The following COCH variants were observed in gnomAD, a reference collection of about 807,000 sequenced individuals.
COCH encodes coagulation factor C homolog, cochlin (Limulus polyphemus).
In COCH, 40 loss-of-function variants were observed where a neutral mutation model predicts 54.8. That is an observed-to-expected ratio of 0.73 (90% CI 0.57 to 0.95). The LOEUF (loss-of-function observed/expected upper bound fraction) is 0.95. Among genes scored for constraint, COCH ranks in the 40% least tolerant of loss-of-function variants. The pLI is 0.00. For missense variants in COCH, 605 were observed against 675.0 expected (o/e 0.90, Z 1.15); for synonymous variants, 256 against 237.9 (o/e 1.08, Z -0.70).
At chr14:30,878,138 G>A (rs1895436015) in intron 4 of COCH, among the ~76,000 whole-genome samples, 1 of 152,194 alleles carries the variant, frequency 6.6e-6, no homozygotes, top group African/African-American at 2.4e-5. Flanking sequence ...TTGTTAGCAA[G>A]TGCCATGCTA....
At position 30,887,121 on chromosome 14, in the gene COCH, C is replaced by T. The variant is rs144548864; in HGVS notation, c.1477+809C>T. 7.9e-5 allele frequency among the ~76,000 whole-genome samples: 12 copies of T among 152,274 alleles called. 1 individual carries two copies. Among genetic ancestry groups the T allele is most frequent in the African/African-American group, 2.6e-4 (11 of 41,562 alleles). On this transcript the variant is annotated intron_variant, in intron 11 of 11. Transcript: ENST00000396618. The stretch of plus-strand genomic sequence containing the variant: ...CCATCAAAATTTCCTTGGCCAGGTG[C>T]AGTGGCTCACATCTGTAATTCAGCA...
chr14:30,894,906 TTTA>T, downstream of COCH: 1 of 1,081,478 alleles, frequency 9.2e-7, no homozygotes, highest in Non-Finnish European at 1.2e-6. Flanking sequence ...TTTTTTTTTT[TTTA>T]AAGCAAAATA....
chr14:30,885,911 G>C lies in COCH; in HGVS notation c.1076G>C (p.Ser359Thr). The change falls in exon 11 of 12, where the codon AGC becomes ACC. Residue 359 changes from serine to threonine, a missense_variant. Physicochemically the swap from Ser to Thr is moderately conservative, Grantham distance 58. Transcript: ENST00000396618. Reference protein sequence around the residue: ...KLCTHEQMMCSKTCYNSVNIA... With the variant: ...KLCTHEQMMCTKTCYNSVNIA... Reference sequence around the variant, plus strand: ...TGCACTCATGAACAAATGATGTGCAGCAAGACCTGTTATAACTCAGTGAAC... The same window carrying C: ...TGCACTCATGAACAAATGATGTGCACCAAGACCTGTTATAACTCAGTGAAC... The C allele has an allele frequency of 6.2e-7, 1 of 1,614,196 alleles. No individual in the cohort carries two copies. Among genetic ancestry groups the C allele is most frequent in the Non-Finnish European group, 8.5e-7 (1 of 1,180,026 alleles).
chr14:30,879,590 A>G, intron 6 of COCH, 105 bp downstream of exon 6: 1 of 1,130,514 alleles, frequency 8.8e-7, no homozygotes, highest in Non-Finnish European at 1.3e-6. Flanking sequence ...TTGATATTAA[A>G]GAGAAACAAA....
At chr14:30,886,893 T>C (rs530003180) in intron 11 of COCH, among the ~76,000 whole-genome samples, 1 of 152,056 alleles carries the variant, frequency 6.6e-6, no homozygotes. Flanking sequence ...AATTTTTAAA[T>C]TTTTTTGGGG....
chr14:30,881,943 A>G (rs1895606274), intron 8 of COCH, among the ~76,000 whole-genome samples: 1 of 151,746 alleles, frequency 6.6e-6, no homozygotes, highest in Non-Finnish European at 1.5e-5. Context: ...CAGCCTGGGC[A>G]ACAGAGCAAG....
chr14:30,881,993 ATAAATATT>A (rs1027066229), intron 8 of COCH, among the ~76,000 whole-genome samples: 10 of 151,082 alleles, frequency 6.6e-5, no homozygotes, highest in Middle Eastern at 3.4e-3. Context: ...AAATAAATAA[ATAAATATT>A]TATTTATTAA....
intron 9 of COCH, 53 bp downstream of exon 9, chr14:30,884,709 C>A: frequency 1.4e-6 from 2 of 1,403,616 alleles, no homozygotes; most frequent in South Asian, 1.2e-5. Flanking sequence ...TATCAGTGAT[C>A]AGACATGTAA....
chr14:30,885,867 G>A lies in COCH; in HGVS notation c.1032G>A (p.Lys344=), dbSNP rs1895772435. Residue 344 remains lysine, a synonymous_variant, in exon 11 of 12, where the codon AAG becomes AAA. Coordinates refer to ENST00000396618, the MANE Select transcript of COCH (RefSeq NM_004086.3). Reference sequence around the variant, plus strand: ...GGTTTGGCACCACAAAATACGTAAAGCCTCTGGTACAGAAGCTGTGCACTC... The same window carrying A: ...GGTTTGGCACCACAAAATACGTAAAACCTCTGGTACAGAAGCTGTGCACTC... ...PNWFGTTKYV[K]PLVQKLCTHE... 1.2e-6 allele frequency: 2 copies of A among 1,614,010 alleles called. No individual in the cohort carries two copies. The highest frequency in any genetic ancestry group is 1.1e-5 in the South Asian group (1 of 91,082).
chr14:30,878,769 A>G, intron 4 of COCH, 42 bp from the exon 5 acceptor site: 1 of 1,613,992 alleles, frequency 6.2e-7, no homozygotes, highest in Non-Finnish European at 8.5e-7. Flanking sequence ...GATGCCCTGA[A>G]AAAGTGTGGA....
At chr14:30,875,367 C>A (rs1309252133) in intron 3 of COCH, 10 of 607,076 alleles carry the variant, frequency 1.6e-5, no homozygotes, top group Non-Finnish European at 2.6e-5. Flanking sequence ...CTCCTCCAGG[C>A]CCACCCACAG....
intron 5 of COCH, 55 bp from the exon 6 acceptor site, chr14:30,879,368 A>G (rs1895487619): frequency 6.5e-7 from 1 of 1,542,890 alleles, no homozygotes; most frequent in East Asian, 2.3e-5. Context: ...TTAGATTCAT[A>G]ATACTTTGGT....
In COCH at chr14:30,877,791, AC is replaced by A. The variant is rs1380522648; in HGVS notation, c.239+66del. 93 of 1,607,832 alleles carry A rather than the reference AC, an allele frequency of 5.8e-5. 1 individual carries two copies. In the Admixed American group the frequency reaches 9.5e-4, roughly 17 times the overall value. ...ACGTGATTATTTCCTTTCCTGCTTT[AC>A]CCATCTGGATCCCTTTCCTCCCTGC... is the stretch of plus-strand genomic sequence containing the variant. On this transcript the variant is annotated intron_variant, in intron 4 of 11. Coordinates refer to ENST00000396618, the MANE Select transcript of COCH (RefSeq NM_004086.3). This position sits in a 1 kb window ranked among gnomAD's most constrained non-coding sequence, Gnocchi z 8.6.
At chr14:30,880,332 AT>A in intron 6 of COCH, 119 bp from the exon 7 acceptor site, 4 of 1,457,384 alleles carry the variant, frequency 2.7e-6, no homozygotes, top group Non-Finnish European at 3.7e-6. Context: ...GAGGAAATTA[AT>A]TTTTTTAAAA....
downstream of COCH, among the ~76,000 whole-genome samples, chr14:30,891,504 T>C (rs573932929): frequency 6.6e-6 from 1 of 152,312 alleles, no homozygotes; most frequent in South Asian, 2.1e-4. Flanking sequence ...TACATAAAAA[T>C]TTGAATTTGA....
Position 30,884,635 on chromosome 14 carries a change from A to G in COCH, c.712A>G (p.Arg238Gly), listed in dbSNP as rs983485237. 4.3e-6 allele frequency: 7 copies of G among 1,612,372 alleles called. No individual in the cohort carries two copies. Among genetic ancestry groups the G allele is most frequent in the Non-Finnish European group, 5.9e-6 (7 of 1,178,638 alleles). Residue 238 changes from arginine (R) to glycine (G), a missense_variant, in exon 9 of 12, where the codon AGA becomes GGA. By Grantham distance (125) the Arg-to-Gly change is moderately radical. Coordinates refer to ENST00000396618, the MANE Select transcript of COCH (RefSeq NM_004086.3). ...VLFAIKEVGF[R>G]GGNSNTGKAL... ...GTTTGCCATAAAGGAAGTAGGTTTC[A>G]GAGGGGGTAATTCCAATACAGGTAA...
chr14:30,881,978 AAAATAAAT>A (rs141793202), intron 8 of COCH, among the ~76,000 whole-genome samples: 1 of 149,750 alleles, frequency 6.7e-6, no homozygotes, highest in Non-Finnish European at 1.5e-5. Context: ...AATAAAAATA[AAAATAAAT>A]AAATAAATAA....
Position 30,884,667 on chromosome 14 carries a change from T to C in COCH, c.733+11T>C, listed in dbSNP as rs1470339537. The C allele has an allele frequency of 6.4e-7, 1 of 1,554,158 alleles. No homozygotes were observed. The highest frequency in any genetic ancestry group is 1.7e-5 in the Admixed American group (1 of 59,920). On this transcript the variant is annotated intron_variant, in intron 9 of 11. Coordinates refer to ENST00000396618, the MANE Select transcript of COCH (RefSeq NM_004086.3). ...GTAATTCCAATACAGGTAAGTAGAC[T>C]TTGATACCTGGGATGTAACATAGGA...
chr14:30,880,819 A>C (rs1220274950), intron 8 of COCH, 85 bp downstream of exon 8: 1 of 1,008,234 alleles, frequency 9.9e-7, no homozygotes, highest in East Asian at 2.6e-5. Flanking sequence ...TATGGGGTAC[A>C]TAGTGATGTT....
Sources: allele counts gnomAD v4.1 joint callset (sites outside exome capture counted in the v4.1 genomes callset), GRCh38; gene constraint gnomAD v4.1.1; non-coding constraint Gnocchi (gnomAD v3.1); transcripts MANE v1.5; gene names NCBI Gene and HGNC (gene_info 2026-07-23, HGNC 2026-07-21).